PDE1A: variants seen among roughly 807,000 people sequenced by gnomAD.
PDE1A encodes the protein dual specificity calcium/calmodulin-dependent 3',5'-cyclic nucleotide phosphodiesterase 1A.
A neutral mutation model predicts 61.7 loss-of-function variants in PDE1A; 35 were observed. The ratio of observed to expected loss-of-function variants is 0.57; its 90% CI spans 0.43 to 0.75. PDE1A has a LOEUF of 0.75. PDE1A is among the 30% of genes least tolerant of loss of function. The pLI is 0.00. For missense variants in PDE1A, 597 were observed against 630.6 expected (o/e 0.95, Z 0.57); for synonymous variants, 232 against 213.2 (o/e 1.09, Z -0.77).
chr2:182,238,418 A>G (rs1196018200), intron 3 of PDE1A, among the ~76,000 whole-genome samples: 1 of 152,128 alleles, frequency 6.6e-6, no homozygotes, highest in East Asian at 1.9e-4. Flanking sequence ...CTGAAGGCAG[A>G]TAGTGGAGGC....
chr2:182,516,425 C>T (rs1690152945), intron 2 of PDE1A, among the ~76,000 whole-genome samples: 2 of 151,864 alleles, frequency 1.3e-5, no homozygotes, highest in Non-Finnish European at 1.5e-5. Flanking sequence ...CTGAGGTCAG[C>T]GAATCACTTG....
intron 1 of PDE1A, among the ~76,000 whole-genome samples, chr2:182,302,673 T>C (rs1466521209): frequency 6.6e-6 from 1 of 152,224 alleles, no homozygotes; most frequent in East Asian, 1.9e-4. Context: ...ACTGACTGAC[T>C]ATGTCTTTCA....
chr2:182,568,534 C>T, the PDE1A span, among the ~76,000 whole-genome samples: 9 of 152,140 alleles, frequency 5.9e-5, no homozygotes, highest in Non-Finnish European at 8.8e-5. Context: ...GGCGCAGTGG[C>T]GGGCGCCTGT....
At chr2:182,668,201 T>A in the PDE1A span, among the ~76,000 whole-genome samples, 1 of 152,244 alleles carries the variant, frequency 6.6e-6, no homozygotes, top group East Asian at 1.9e-4. Flanking sequence ...CACAGCTGAC[T>A]TATGATTCCC....
intron 2 of PDE1A, among the ~76,000 whole-genome samples, chr2:182,471,368 C>A (rs1403034248): frequency 6.6e-6 from 1 of 151,648 alleles, no homozygotes; most frequent in Non-Finnish European, 1.5e-5. Flanking sequence ...TCTGAAGAAC[C>A]TTTTATACAC....
chr2:182,287,558 C>A (rs1282113574), intron 1 of PDE1A, among the ~76,000 whole-genome samples: 1 of 151,908 alleles, frequency 6.6e-6, no homozygotes, highest in Admixed American at 6.6e-5. Flanking sequence ...GTTTGACTCA[C>A]TAATAAAGTT....
chr2:182,290,188 T>C (rs192452565), intron 1 of PDE1A, among the ~76,000 whole-genome samples: 1 of 152,292 alleles, frequency 6.6e-6, no homozygotes, highest in African/African-American at 2.4e-5. Context: ...ACATATTCTA[T>C]AGCCTTTTTT....
At chr2:182,430,803 T>G (rs1222004290), upstream of PDE1A, among the ~76,000 whole-genome samples, 28 of 132,178 alleles carry the variant, frequency 2.1e-4, no homozygotes, top group Non-Finnish European at 3.5e-4. Flanking sequence ...TCATGTCCTT[T>G]GTAGGGACAT....
Position 182,386,965 on chromosome 2 carries a change from T to C in PDE1A, c.53+39613A>G, listed in dbSNP as rs1701144106. On this transcript the variant is annotated intron_variant, in intron 1 of 13. Transcript: ENST00000351439. Reference sequence around the variant, plus strand: ...TGGGCCATGATGACGACGGCGGTTTTGTGAAATAGAAAAGGGGGAAAGGTG... The same window carrying C: ...TGGGCCATGATGACGACGGCGGTTTCGTGAAATAGAAAAGGGGGAAAGGTG... Among the ~76,000 whole-genome samples, 4 of 152,226 alleles carry C rather than the reference T, an allele frequency of 2.6e-5. No individual in the cohort carries two copies. In the South Asian group the frequency reaches 8.3e-4, roughly 32 times the overall value.
intron 12 of PDE1A, 53 bp downstream of exon 12, chr2:182,186,415 T>A: frequency 6.4e-7 from 1 of 1,572,790 alleles, no homozygotes; most frequent in Non-Finnish European, 8.7e-7. Context: ...TTAAGGAAAG[T>A]GTTACTAAAC....
At chr2:182,166,797 T>C (rs1691674539), downstream of PDE1A, among the ~76,000 whole-genome samples, 2 of 152,184 alleles carry the variant, frequency 1.3e-5, no homozygotes, top group African/African-American at 4.8e-5. Context: ...ATGAAATAAA[T>C]ATACTTATTT....
intron 3 of PDE1A, among the ~76,000 whole-genome samples, chr2:182,236,550 T>G (rs1268958719): frequency 2.0e-5 from 3 of 152,220 alleles, no homozygotes; most frequent in Non-Finnish European, 4.4e-5. Flanking sequence ...AGAGAACACA[T>G]GCTTTGAATC....
At chr2:182,208,739 A>T (rs1687327607) in intron 7 of PDE1A, among the ~76,000 whole-genome samples, 1 of 152,200 alleles carries the variant, frequency 6.6e-6, no homozygotes, top group Non-Finnish European at 1.5e-5. Context: ...TGAGACATGG[A>T]GTCAAAAAGA....
intron 2 of PDE1A, among the ~76,000 whole-genome samples, chr2:182,477,768 C>G (rs781674270): frequency 2.0e-5 from 3 of 151,938 alleles, no homozygotes; most frequent in Non-Finnish European, 4.4e-5. Context: ...TGCATAGTTA[C>G]GGTAAACGAC....
chr2:182,453,669 C>T (rs1349694485), intron 2 of PDE1A, among the ~76,000 whole-genome samples: 1 of 152,136 alleles, frequency 6.6e-6, no homozygotes, highest in East Asian at 1.9e-4. Context: ...ACAAAAACCA[C>T]ATGATTATCT....
chr2:182,452,130 A>G (rs1685568062), intron 2 of PDE1A, among the ~76,000 whole-genome samples: 2 of 152,110 alleles, frequency 1.3e-5, no homozygotes, highest in African/African-American at 4.8e-5. Flanking sequence ...AGAAAATGAT[A>G]TATACTATGC....
intron 13 of PDE1A, among the ~76,000 whole-genome samples, chr2:182,161,870 C>T (rs1691398772): frequency 1.3e-5 from 2 of 152,050 alleles, no homozygotes. Flanking sequence ...AATATTGAAG[C>T]TCAAGGAGTG....
the PDE1A span, among the ~76,000 whole-genome samples, chr2:182,567,121 G>A: frequency 6.6e-6 from 1 of 152,156 alleles, no homozygotes; most frequent in Non-Finnish European, 1.5e-5. Flanking sequence ...AAATTTAGCT[G>A]TATGATATTC....
chr2:182,549,684 G>C, the PDE1A span, among the ~76,000 whole-genome samples: 1 of 152,100 alleles, frequency 6.6e-6, no homozygotes. Flanking sequence ...ACAGAAGACA[G>C]AAGCAACGTT....
Sources: gnomAD v4.1 joint callset for allele counts (sites outside exome capture counted in the v4.1 genomes callset) on GRCh38, gnomAD v4.1.1 for gene constraint, MANE v1.5 for transcripts, NCBI Gene and HGNC (gene_info 2026-07-23, HGNC 2026-07-21) for gene names.